Variants in DNAH6 observed in about 807,000 individuals in gnomAD.
DNAH6 encodes the protein dynein axonemal heavy chain 6, also known as axonemal beta dynein heavy chain 6.
DNAH6 carries 340 observed loss-of-function variants against 491.4 expected under a neutral mutation model. That is an observed-to-expected ratio of 0.69 (90% confidence interval 0.63 to 0.76). The LOEUF is 0.76. Among genes scored for constraint, DNAH6 ranks in the 30% least tolerant of loss-of-function variants. The probability of loss-of-function intolerance (pLI) is 0.00; values close to 1 mark genes in which losing one functional copy is unlikely to be tolerated. For synonymous variants in DNAH6, 1,603 were observed against 1,686.1 expected, an observed-to-expected ratio of 0.95 and a Z score of 1.21; for missense variants, 4,443 against 4,972.2, an observed-to-expected ratio of 0.89 and a Z score of 3.20.
At chr2:84,793,087 G>A (rs1677932793) in intron 68 of DNAH6, among the ~76,000 whole-genome samples, 1 of 152,176 alleles carries the variant, frequency 6.6e-6, no homozygotes, top group African/African-American at 2.4e-5. Flanking sequence ...GGATGGGAAA[G>A]GAAGGGAAAG....
chr2:84,573,024 C>T (rs1250054917), intron 11 of DNAH6, among the ~76,000 whole-genome samples: 1 of 152,100 alleles, frequency 6.6e-6, no homozygotes, highest in Non-Finnish European at 1.5e-5. Flanking sequence ...AGAGACTGGC[C>T]AATGCCAAAG....
Position 84,705,883 on chromosome 2 carries a change from T to C in DNAH6, c.8727+136T>C, listed in dbSNP as rs546047575. 104 of 1,131,802 alleles carry C rather than the reference T, an allele frequency of 9.2e-5. No homozygotes were observed. The African/African-American group carries it at 1.2e-3, about 13-fold the overall frequency. 70.1% of individuals were successfully genotyped at this position (1,131,802 alleles called of 1,614,324 possible). A position where few individuals can be genotyped will look rare whatever the true frequency, so the allele number is the denominator to read the frequency against. Reference sequence around the variant, plus strand: ...AACTCTTGGAAATTAGCTTTTGTTTTAAACAAGAGCTGGCAATTTTTTTTC... The same window carrying C: ...AACTCTTGGAAATTAGCTTTTGTTTCAAACAAGAGCTGGCAATTTTTTTTC... On this transcript the variant is annotated intron_variant, in intron 52 of 76. Coordinates refer to ENST00000389394, the MANE Select transcript of DNAH6 (RefSeq NM_001370.2).
At position 84,672,379 on chromosome 2, in the gene DNAH6, C is replaced by T; in HGVS notation, c.6507C>T (p.Pro2169=). The T allele has an allele frequency of 1.9e-6, 3 of 1,551,636 alleles. No individual in the cohort carries two copies. The highest frequency in any genetic ancestry group is 2.6e-6 in the Non-Finnish European group (3 of 1,146,882). Residue 2169 remains proline, a synonymous_variant, in exon 40 of 77, where the codon CCC becomes CCT. Coordinates refer to ENST00000389394, the MANE Select transcript of DNAH6 (RefSeq NM_001370.2). ...IVIFVDDLNM[P]RLDRYGSQPP... The stretch of plus-strand genomic sequence containing the variant: ...TTTTTGTTGATGATTTAAACATGCC[C>T]AGACTGGATCGCTATGGCTCTCAGC...
chr2:84,715,496 TAAAG>T (rs1431486750), intron 57 of DNAH6, 60 bp from the exon 58 acceptor site: 4 of 1,475,372 alleles, frequency 2.7e-6, no homozygotes, highest in Admixed American at 4.0e-5. Flanking sequence ...TGTGTTCTAA[TAAAG>T]AAAGGTATTT....
At chr2:84,799,118 G>A (rs919100983) in intron 70 of DNAH6, among the ~76,000 whole-genome samples, 8 of 151,764 alleles carry the variant, frequency 5.3e-5, no homozygotes, top group African/African-American at 1.5e-4. Context: ...CTCCCAAGTA[G>A]CTGGGATTAC....
chr2:84,735,415 A>T (rs528397706), intron 62 of DNAH6, among the ~76,000 whole-genome samples: 1 of 152,344 alleles, frequency 6.6e-6, no homozygotes, highest in African/African-American at 2.4e-5. Context: ...ATACCCAGTA[A>T]TGGGATTGTG....
chr2:84,721,909 G>C (rs542142195), intron 59 of DNAH6, among the ~76,000 whole-genome samples: 12 of 152,310 alleles, frequency 7.9e-5, no homozygotes, highest in African/African-American at 2.6e-4. Context: ...GAAAAACAGT[G>C]GGGGAAGAGA....
At chr2:84,688,658 A>T (rs1694538791) in intron 45 of DNAH6, 65 bp downstream of exon 45, 2 of 1,351,652 alleles carry the variant, frequency 1.5e-6, no homozygotes, top group African/African-American at 3.1e-5. Flanking sequence ...AGGGTAAAAA[A>T]ATAAGTTGTA....
intron 11 of DNAH6, among the ~76,000 whole-genome samples, chr2:84,570,547 A>C (rs1681694109): frequency 6.6e-6 from 1 of 152,198 alleles, no homozygotes; most frequent in African/African-American, 2.4e-5. Flanking sequence ...AAAATGCACC[A>C]ATCAGTGCTC....
intron 40 of DNAH6, among the ~76,000 whole-genome samples, chr2:84,674,590 C>T (rs902421398): frequency 3.9e-5 from 6 of 152,128 alleles, no homozygotes; most frequent in African/African-American, 7.2e-5. Context: ...GCAAGATGAA[C>T]GCATATTCAG....
chr2:84,753,403 T>A (rs1458806159), intron 63 of DNAH6, among the ~76,000 whole-genome samples: 1 of 152,146 alleles, frequency 6.6e-6, no homozygotes, highest in East Asian at 1.9e-4. Context: ...TTTATCTATT[T>A]TTTTTTCTTC....
At chr2:84,733,798 CACACACCATATATTTTATGTATAT>C (rs1699306522) in intron 62 of DNAH6, among the ~76,000 whole-genome samples, 1 of 151,864 alleles carries the variant, frequency 6.6e-6, no homozygotes, top group Non-Finnish European at 1.5e-5. Context: ...TATATGTATA[CACACACCATATATTTTATGTATAT>C]ATTTGAGAAT....
intron 41 of DNAH6, among the ~76,000 whole-genome samples, chr2:84,679,281 T>C (rs766925994): frequency 2.6e-5 from 4 of 152,192 alleles, no homozygotes; most frequent in African/African-American, 7.2e-5. Flanking sequence ...AGTGCATATA[T>C]GCAGGGAGCG....
At chr2:84,685,100 G>A (rs1284435165) in intron 42 of DNAH6, among the ~76,000 whole-genome samples, 1 of 152,058 alleles carries the variant, frequency 6.6e-6, no homozygotes, top group Non-Finnish European at 1.5e-5. Flanking sequence ...CTCGGTTAAA[G>A]AAACATCACA....
At position 84,631,495 on chromosome 2, in the gene DNAH6, A is replaced by G. The variant is rs77229400; in HGVS notation, c.4516-3009A>G. Among the ~76,000 whole-genome samples the G allele has an allele frequency of 7.6e-3, 1,157 of 152,272 alleles. 12 individuals are homozygous for G. Among genetic ancestry groups the G allele is most frequent in the African/African-American group, 0.026 (1,061 of 41,540 alleles). On this transcript the variant is annotated intron_variant, in intron 29 of 76. Coordinates refer to ENST00000389394, the MANE Select transcript of DNAH6 (RefSeq NM_001370.2). Reference sequence around the variant, plus strand: ...AATTTGGGCCTTTACATTTATAAAGACTCAGATGTTTAAAATGAGGCCATA... The same window carrying G: ...AATTTGGGCCTTTACATTTATAAAGGCTCAGATGTTTAAAATGAGGCCATA...
At chr2:84,525,283 T>C (rs1394190565) in intron 2 of DNAH6, among the ~76,000 whole-genome samples, 1 of 152,118 alleles carries the variant, frequency 6.6e-6, no homozygotes, top group Admixed American at 6.6e-5. Context: ...AGGGAGTATA[T>C]GATTTCATAC....
intron 11 of DNAH6, among the ~76,000 whole-genome samples, chr2:84,563,687 C>T (rs1479916005): frequency 6.6e-6 from 1 of 152,054 alleles, no homozygotes; most frequent in African/African-American, 2.4e-5. Context: ...TGCAGGTGCT[C>T]TTTAGTTTAA....
intron 11 of DNAH6, among the ~76,000 whole-genome samples, chr2:84,572,709 C>T (rs557208838): frequency 2.0e-4 from 31 of 152,164 alleles, no homozygotes; most frequent in Non-Finnish European, 3.8e-4. Context: ...CCATTGGTCA[C>T]CTCTAGTTTT....
At chr2:84,693,653 G>A (rs77579362) in intron 45 of DNAH6, among the ~76,000 whole-genome samples, 95 of 151,804 alleles carry the variant, frequency 6.3e-4, no homozygotes, top group Non-Finnish European at 1.2e-3. Context: ...TGAGGCAGGC[G>A]TGAACCCAGG....
Sources: gnomAD v4.1 joint callset for allele counts (sites outside exome capture counted in the v4.1 genomes callset) on GRCh38, gnomAD v4.1.1 for gene constraint, MANE v1.5 for transcripts, NCBI Gene and HGNC (gene_info 2026-07-23, HGNC 2026-07-21) for gene names.